ZHX3: variants seen among roughly 807,000 people sequenced by gnomAD.
ZHX3 encodes the protein zinc fingers and homeoboxes protein 3.
In ZHX3, 20 loss-of-function variants were observed where a neutral mutation model predicts 64.5. The observed-to-expected ratio is 0.31, with a 90% confidence interval of 0.22 to 0.45. ZHX3 has a LOEUF of 0.45. Ranked by LOEUF, ZHX3 falls within the 20% of genes least tolerant of loss-of-function variation. The pLI is 1.00. For missense variants in ZHX3, 1,041 were observed against 1,195.8 expected (o/e 0.87, Z 1.91); for synonymous variants, 423 against 461.6 (o/e 0.92, Z 1.07).
chr20:41,237,886 A>G (rs1298785892), intron 2 of ZHX3, among the ~76,000 whole-genome samples: 2 of 152,252 alleles, frequency 1.3e-5, no homozygotes, highest in Non-Finnish European at 2.9e-5. Flanking sequence ...ATTCTAAGAA[A>G]GAGGTTCCAG....
chr20:41,289,365 G>A, intron 1 of ZHX3, among the ~76,000 whole-genome samples: 1 of 152,108 alleles, frequency 6.6e-6, no homozygotes, highest in Non-Finnish European at 1.5e-5. Context: ...AACTTTGTCA[G>A]GTGTGTTGTT....
At chr20:41,289,140 C>G (rs2044092897) in intron 1 of ZHX3, among the ~76,000 whole-genome samples, 1 of 151,890 alleles carries the variant, frequency 6.6e-6, no homozygotes, top group Non-Finnish European at 1.5e-5. Flanking sequence ...TATAGGCATT[C>G]ATGTCATGTC....
At chr20:41,270,130 G>T (rs1363587961) in intron 1 of ZHX3, among the ~76,000 whole-genome samples, 4 of 142,388 alleles carry the variant, frequency 2.8e-5, no homozygotes, top group Non-Finnish European at 6.2e-5. Context: ...GGTGGCTCAC[G>T]CCTGTAATCC....
chr20:41,246,633 G>A (rs2041701901), intron 2 of ZHX3, among the ~76,000 whole-genome samples: 1 of 152,098 alleles, frequency 6.6e-6, no homozygotes, highest in South Asian at 2.1e-4. Context: ...AGCACTTTGG[G>A]AGGCTGAGGC....
intron 3 of ZHX3, among the ~76,000 whole-genome samples, chr20:41,193,253 G>A (rs1486337255): frequency 6.6e-6 from 1 of 151,968 alleles, no homozygotes; most frequent in African/African-American, 2.4e-5. Context: ...GTTTGCTTTG[G>A]GTCACGTCTA....
intron 1 of ZHX3, among the ~76,000 whole-genome samples, chr20:41,283,688 C>T (rs958239801): frequency 6.6e-6 from 1 of 151,796 alleles, no homozygotes; most frequent in Non-Finnish European, 1.5e-5. Context: ...ACCTGGGAGG[C>T]GGAGCTTGCA....
At chr20:41,303,512 G>A (rs2146817167) in intron 1 of ZHX3, among the ~76,000 whole-genome samples, 1 of 152,290 alleles carries the variant, frequency 6.6e-6, no homozygotes, top group South Asian at 2.1e-4. Context: ...GGATACCAAT[G>A]CTCCACTTTA....
At position 41,242,308 on chromosome 20, in the gene ZHX3, C is replaced by T. The variant is rs187622271; in HGVS notation, c.-151+26682G>A. ...AAGTCATTTGACTCAGTCACACAAG[C>T]AACAGGCAACAGCAAGGATTCAAAG... On this transcript the variant is annotated intron_variant, in intron 2 of 3. Transcript: ENST00000683867. Among the ~76,000 whole-genome samples, 18 of 152,332 alleles carry T rather than the reference C, an allele frequency of 1.2e-4. No individual in the cohort carries two copies. In the East Asian group the frequency reaches 3.5e-3, roughly 29 times the overall value.
In ZHX3 at chr20:41,232,683, G is replaced by A. The variant is rs543858523; in HGVS notation, c.-150-27617C>T. Among the ~76,000 whole-genome samples, 57 of 152,054 alleles carry A rather than the reference G, an allele frequency of 3.7e-4. No homozygotes were observed. Among genetic ancestry groups the A allele is most frequent in the Middle Eastern group, 6.8e-3 (2 of 294 alleles). ...CGGCTCATTGCAAGCTCCGCCTCCC[G>A]GGTTCACGCCATTCTCCTGCCTCAG... On this transcript the variant is annotated intron_variant, in intron 2 of 3. Coordinates refer to ENST00000683867, the MANE Select transcript of ZHX3 (RefSeq NM_001384317.1). This position sits in a 1 kb window ranked among gnomAD's most constrained non-coding sequence, Gnocchi z 5.0.
At position 41,287,425 on chromosome 20, in the gene ZHX3, C is replaced by T. The variant is rs557765216; in HGVS notation, c.-244-18342G>A. Reference sequence around the variant, plus strand: ...CTAAGATGGCCCCTAATGATCTCTGCGTCCTGGTATTCATGCTTTTGTGAA... The same window carrying T: ...CTAAGATGGCCCCTAATGATCTCTGTGTCCTGGTATTCATGCTTTTGTGAA... On this transcript the variant is annotated intron_variant, in intron 1 of 3. Coordinates refer to ENST00000683867, the MANE Select transcript of ZHX3 (RefSeq NM_001384317.1). Among the ~76,000 whole-genome samples the T allele has an allele frequency of 7.9e-5, 12 of 152,270 alleles. No homozygotes were observed. In the East Asian group the frequency reaches 1.7e-3, roughly 22 times the overall value.
chr20:41,196,334 A>T (rs2037492820), intron 3 of ZHX3, among the ~76,000 whole-genome samples: 1 of 105,380 alleles, frequency 9.5e-6, no homozygotes, highest in Admixed American at 1.5e-4. Flanking sequence ...ATATATTTTT[A>T]TTTCATATAT....
chr20:41,265,491 C>T (rs1458340435), intron 2 of ZHX3, among the ~76,000 whole-genome samples: 3 of 152,086 alleles, frequency 2.0e-5, no homozygotes, highest in Admixed American at 6.6e-5. Flanking sequence ...CGTGAGCCAC[C>T]GCGCCCGGCC....
At chr20:41,279,015 G>T (rs1195396308) in intron 1 of ZHX3, among the ~76,000 whole-genome samples, 2 of 152,120 alleles carry the variant, frequency 1.3e-5, no homozygotes, top group Non-Finnish European at 2.9e-5. Context: ...CTGACCTCGT[G>T]ATTTGCCCAC....
intron 2 of ZHX3, among the ~76,000 whole-genome samples, chr20:41,217,483 T>C (rs1357227044): frequency 1.3e-5 from 2 of 152,174 alleles, no homozygotes; most frequent in Non-Finnish European, 2.9e-5. Flanking sequence ...TAAATTTATA[T>C]TTTTAAAAAA....
intron 2 of ZHX3, among the ~76,000 whole-genome samples, chr20:41,220,921 T>G (rs2039900631): frequency 6.6e-6 from 1 of 151,974 alleles, no homozygotes; most frequent in African/African-American, 2.4e-5. Context: ...ACTCCTGGAC[T>G]CAAGTGACCC....
chr20:41,216,552 G>C (rs2039548705), intron 2 of ZHX3, among the ~76,000 whole-genome samples: 1 of 152,078 alleles, frequency 6.6e-6, no homozygotes, highest in African/African-American at 2.4e-5. Flanking sequence ...ACCATCTCTA[G>C]TTTACCTCAG....
At chr20:41,315,645 T>G (rs1357543591) in intron 1 of ZHX3, among the ~76,000 whole-genome samples, 1 of 152,088 alleles carries the variant, frequency 6.6e-6, no homozygotes, top group Non-Finnish European at 1.5e-5. Context: ...TGATCTGAAT[T>G]TTTTAAAGGA....
At chr20:41,270,099 C>T (rs2043056429) in intron 1 of ZHX3, among the ~76,000 whole-genome samples, 1 of 152,202 alleles carries the variant, frequency 6.6e-6, no homozygotes, top group South Asian at 2.1e-4. Flanking sequence ...TAAAGAAAAG[C>T]ATTATGTTAA....
intron 1 of ZHX3, among the ~76,000 whole-genome samples, chr20:41,288,683 A>G (rs2146729215): frequency 6.6e-6 from 1 of 151,930 alleles, no homozygotes; most frequent in South Asian, 2.1e-4. Flanking sequence ...TGTAACTACC[A>G]CTCTTGTCTT....
Sources: gnomAD v4.1 joint callset for allele counts (sites outside exome capture counted in the v4.1 genomes callset) on GRCh38, gnomAD v4.1.1 for gene constraint, Gnocchi (gnomAD v3.1) non-coding constraint, MANE v1.5 for transcripts, NCBI Gene and HGNC (gene_info 2026-07-23, HGNC 2026-07-21) for gene names.